MYT1L: variants seen among roughly 807,000 people sequenced by gnomAD.
MYT1L encodes myelin transcription factor 1 like, also known as myelin transcription factor 1-like protein.
Under a neutral mutation model 126.7 loss-of-function variants are expected in MYT1L, and 12 were observed. The ratio of observed to expected loss-of-function variants is 0.09; its 90% CI spans 0.06 to 0.15. The LOEUF (loss-of-function observed/expected upper bound fraction) is 0.15. MYT1L is among the 10% of genes least tolerant of loss of function. The pLI is 1.00. For missense variants in MYT1L, 979 were observed against 1,585.2 expected, an observed-to-expected ratio of 0.62 and a Z score of 6.49; for synonymous variants, 541 against 604.2, an observed-to-expected ratio of 0.90 and a Z score of 1.53.
Position 1,922,080 on chromosome 2 carries a change from T to C in MYT1L, c.1483+206A>G, listed in dbSNP as rs1430675935. On this transcript the variant is annotated intron_variant, in intron 10 of 24. Transcript: ENST00000647738. The surrounding 1 kb of genome is among the most constrained non-coding windows in gnomAD (Gnocchi z 7.4). The stretch of plus-strand genomic sequence containing the variant: ...ATTCATCTGCTCTAGTAATATGATG[T>C]TAAGCTGCTTTATGTATTTCTCAGA... Among the ~76,000 whole-genome samples the C allele has an allele frequency of 6.6e-6, 1 of 152,230 alleles. No homozygotes were observed. The highest frequency in any genetic ancestry group is 1.5e-5 in the Non-Finnish European group (1 of 68,048).
At chr2:1,842,132 C>T (rs2148413172) in intron 19 of MYT1L, 1 of 152,362 alleles carries the variant, frequency 6.6e-6, no homozygotes, top group African/African-American at 2.4e-5. Flanking sequence ...AGGTGGGAGG[C>T]CACTCTTCTC....
rs78683162 is a variant in MYT1L at position 1,813,179 on chromosome 2, G to C, written c.3081-4012C>G. ...CATTGAGGGGCCAGGAGCTGCAGGTGGGGGGGAGAGAGGGAGGGCCACAAA... is the reference window on the plus strand; with the variant it reads ...CATTGAGGGGCCAGGAGCTGCAGGTCGGGGGGAGAGAGGGAGGGCCACAAA... On this transcript the variant is annotated intron_variant, in intron 21 of 24. Coordinates refer to ENST00000647738, the MANE Select transcript of MYT1L (RefSeq NM_001303052.2). Among the ~76,000 whole-genome samples, 1,314 of 152,228 alleles carry C rather than the reference G, an allele frequency of 8.6e-3. 7 individuals carry two copies. The highest frequency in any genetic ancestry group is 0.024 in the Middle Eastern group (7 of 294).
intron 3 of MYT1L, among the ~76,000 whole-genome samples, chr2:2,171,687 A>C (rs2090079799): frequency 6.6e-6 from 1 of 152,176 alleles, no homozygotes; most frequent in African/African-American, 2.4e-5. Flanking sequence ...GCCTTCCCCA[A>C]ACGGAACCAA....
chr2:2,126,353 GTAAAGAATGCTTCTATAATT>G (rs1412740529), intron 3 of MYT1L, among the ~76,000 whole-genome samples: 2 of 152,156 alleles, frequency 1.3e-5, no homozygotes, highest in African/African-American at 4.8e-5. Context: ...AGCTCCAACT[GTAAAGAATGCTTCTATAATT>G]TAAAAAATGC....
In MYT1L at chr2:1,904,374, G is replaced by T. The variant is rs532805477; in HGVS notation, c.1818-1080C>A. 2.9e-3 allele frequency among the ~76,000 whole-genome samples: 441 copies of T among 151,712 alleles called. 2 individuals carry two copies. Among genetic ancestry groups the T allele is most frequent in the African/African-American group, 9.7e-3 (403 of 41,366 alleles). ...CAGATACAGACACATTCTTTTTTTT[G>T]TTGTTGTTGTTGTGATGGAGTCTCG... On this transcript the variant is annotated intron_variant, in intron 13 of 24. Transcript: ENST00000647738.
intron 8 of MYT1L, among the ~76,000 whole-genome samples, chr2:1,950,619 A>G (rs1453251393): frequency 6.6e-6 from 1 of 152,182 alleles, no homozygotes. Flanking sequence ...GACAGGGAGG[A>G]GACTGAGACA....
intron 23 of MYT1L, chr2:1,800,181 G>A (rs901296815): frequency 6.6e-6 from 1 of 152,300 alleles, no homozygotes; most frequent in Non-Finnish European, 1.5e-5. Flanking sequence ...AGCAGCTCCT[G>A]AGTGCTCTGG....
At chr2:2,159,591 C>T (rs1429440914) in intron 3 of MYT1L, among the ~76,000 whole-genome samples, 1 of 152,006 alleles carries the variant, frequency 6.6e-6, no homozygotes, top group African/African-American at 2.4e-5. Flanking sequence ...GTTGAGATTG[C>T]CGACTAGGAG....
intron 1 of MYT1L, among the ~76,000 whole-genome samples, chr2:2,296,099 A>G (rs1283209864): frequency 6.6e-6 from 1 of 152,176 alleles, no homozygotes; most frequent in African/African-American, 2.4e-5. Context: ...ATTTTATTCT[A>G]TTTTTCAAGG....
intron 4 of MYT1L, among the ~76,000 whole-genome samples, chr2:2,021,136 G>C (rs1285069493): frequency 2.0e-5 from 3 of 152,206 alleles, no homozygotes. Context: ...AGGGTGAAAG[G>C]CTTTTCTAAA....
At chr2:2,312,211 C>A (rs1193140224) in intron 1 of MYT1L, among the ~76,000 whole-genome samples, 1 of 152,192 alleles carries the variant, frequency 6.6e-6, no homozygotes, top group African/African-American at 2.4e-5. Flanking sequence ...AGACTGTTCA[C>A]CTCCCTTCCC....
intron 19 of MYT1L, chr2:1,841,162 CTT>C (rs1209689299): frequency 7.9e-3 from 681 of 86,242 alleles, no homozygotes; most frequent in South Asian, 0.025. Context: ...ACCTCGGCCT[CTT>C]TTTTTTTTTT....
intron 2 of MYT1L, among the ~76,000 whole-genome samples, chr2:2,253,752 G>C (rs984401709): frequency 9.9e-5 from 15 of 151,678 alleles, no homozygotes; most frequent in African/African-American, 3.6e-4. Flanking sequence ...AAGCGGGGCA[G>C]GAGGGCAAGT....
chr2:2,158,460 C>T (rs1204359775), intron 3 of MYT1L, among the ~76,000 whole-genome samples: 9 of 152,178 alleles, frequency 5.9e-5, no homozygotes. Flanking sequence ...CACAAATGCG[C>T]ACCATGAGAT....
intron 3 of MYT1L, among the ~76,000 whole-genome samples, chr2:2,133,087 C>T (rs2082595308): frequency 1.3e-5 from 2 of 152,000 alleles, no homozygotes; most frequent in African/African-American, 4.8e-5. Context: ...TTGGGGGGGA[C>T]GAAGACACAC....
rs887257358 is a variant in MYT1L, at chr2:2,007,039, T to C, written c.-157-9692A>G. On this transcript the variant is annotated intron_variant, in intron 4 of 24. Transcript: ENST00000647738. Reference sequence around the variant, plus strand: ...CTTCTTAAGGCTGAATAATATTTCATTGAAGATATATATATATATATATAT... The same window carrying C: ...CTTCTTAAGGCTGAATAATATTTCACTGAAGATATATATATATATATATAT... Among the ~76,000 whole-genome samples the C allele has an allele frequency of 4.0e-5, 6 of 150,304 alleles. No homozygotes were observed. In the East Asian group the frequency reaches 1.2e-3, roughly 29 times the overall value.
intron 3 of MYT1L, among the ~76,000 whole-genome samples, chr2:2,158,459 GC>G (rs1420831579): frequency 1.3e-5 from 2 of 152,144 alleles, no homozygotes; most frequent in Non-Finnish European, 2.9e-5. Flanking sequence ...TCACAAATGC[GC>G]ACCATGAGAT....
At chr2:1,819,300 T>G (rs1046534687) in intron 21 of MYT1L, among the ~76,000 whole-genome samples, 1 of 152,246 alleles carries the variant, frequency 6.6e-6, no homozygotes, top group Admixed American at 6.5e-5. Flanking sequence ...CCTCCTGTCC[T>G]CAAGCACAGT....
chr2:1,958,778 G>C (rs1213840338), intron 8 of MYT1L, among the ~76,000 whole-genome samples: 3 of 151,452 alleles, frequency 2.0e-5, no homozygotes, highest in Non-Finnish European at 4.4e-5. Flanking sequence ...CTTCTTCTAG[G>C]ATTCTCTGGC....
Sources: allele counts gnomAD v4.1 joint callset (sites outside exome capture counted in the v4.1 genomes callset), GRCh38; gene constraint gnomAD v4.1.1; non-coding constraint Gnocchi (gnomAD v3.1); transcripts MANE v1.5; gene names NCBI Gene and HGNC (gene_info 2026-07-23, HGNC 2026-07-21).